BID: variants seen among roughly 807,000 people sequenced by gnomAD.
BID encodes the protein BH3 interacting domain death agonist.
Under a neutral mutation model 17.4 loss-of-function variants are expected in BID, and 19 were observed. That is an observed-to-expected ratio of 1.09 (90% CI 0.76 to 1.60). BID has a LOEUF of 1.60. BID is among the 40% of genes most tolerant of loss of function. The pLI is 0.00. For missense variants in BID, 226 were observed against 256.0 expected (o/e 0.88, Z 0.80); for synonymous variants, 108 against 102.8 (o/e 1.05, Z -0.31).
rs1270139877 is a variant in BID, at chr22:17,773,463, G to C, written c.-59+918C>G. On this transcript the variant is annotated intron_variant, in intron 1 of 5. Coordinates refer to ENST00000622694, the MANE Select transcript of BID (RefSeq NM_001196.4). The surrounding 1 kb of genome is among the most constrained non-coding windows in gnomAD (Gnocchi z 4.4). ...CCCCCACAGTGAGAGCGAGGACTGA[G>C]GGTGTGGATAAGGCTCCAGGAAGGG... is the stretch of plus-strand genomic sequence containing the variant. 3 of 782,516 alleles carry C rather than the reference G, an allele frequency of 3.8e-6. No homozygotes were observed. Among genetic ancestry groups the C allele is most frequent in the Non-Finnish European group, 2.1e-6 (1 of 468,524 alleles). The allele number at this position is 782,516 out of a possible 1,614,324, so 48.5% of individuals were successfully genotyped here. A position where few individuals can be genotyped will look rare whatever the true frequency, so the allele number is the denominator to read the frequency against.
At chr22:17,766,345 G>A (rs965844924) in intron 1 of BID, among the ~76,000 whole-genome samples, 2 of 148,246 alleles carry the variant, frequency 1.3e-5, no homozygotes, top group South Asian at 2.1e-4. Context: ...GCAGTGGCGC[G>A]ATCTCAGCTC....
intron 1 of BID, among the ~76,000 whole-genome samples, chr22:17,756,461 T>TTCTTTCTTTC (rs1569047793): frequency 3.0e-5 from 3 of 100,394 alleles, no homozygotes; most frequent in Non-Finnish European, 6.9e-5. Flanking sequence ...CTTTCTTTCT[T>TTCTTTCTTTC]TCTTTCTTTC....
At chr22:17,753,187 TG>T (rs2061554390) in intron 1 of BID, among the ~76,000 whole-genome samples, 1 of 138,958 alleles carries the variant, frequency 7.2e-6, no homozygotes, top group Non-Finnish European at 1.6e-5. Flanking sequence ...AGGATGGTCT[TG>T]ATCTCCTGAC....
Position 17,755,032 on chromosome 22 carries a change from GATT to G in BID, c.-58-4861_-58-4859del, listed in dbSNP as rs1279599890. Among the ~76,000 whole-genome samples the G allele has an allele frequency of 6.6e-5, 10 of 151,438 alleles. No homozygotes were observed. In the East Asian group the frequency reaches 1.4e-3, roughly 21 times the overall value. On this transcript the variant is annotated intron_variant, in intron 1 of 5. Coordinates refer to ENST00000622694, the MANE Select transcript of BID (RefSeq NM_001196.4). Reference sequence around the variant, plus strand: ...CCACCTTGGCCTCCCAAAATGCTGGGATTACAGGCGTGAGCCACCGTGCCTGGC... The same window carrying G: ...CCACCTTGGCCTCCCAAAATGCTGGGACAGGCGTGAGCCACCGTGCCTGGC...
At chr22:17,735,699 G>A (rs1406439773) in intron 5 of BID, 108 bp from the exon 6 acceptor site, 7 of 1,333,570 alleles carry the variant, frequency 5.2e-6, no homozygotes, top group Middle Eastern at 1.9e-4. Flanking sequence ...GCAAAAACAT[G>A]TTCTCCAGAC....
chr22:17,747,479 C>T (rs946784618), intron 2 of BID, among the ~76,000 whole-genome samples: 12 of 151,986 alleles, frequency 7.9e-5, no homozygotes, highest in Non-Finnish European at 1.6e-4. Context: ...TGCCACCACG[C>T]CTGGCTAATT....
At position 17,740,266 on chromosome 22, in the gene BID, G is replaced by A. The variant is rs2061449968; in HGVS notation, c.224-778C>T. 3.5e-6 allele frequency: 4 copies of A among 1,150,918 alleles called. No homozygotes were observed. In the Admixed American group the frequency reaches 5.9e-5, roughly 17 times the overall value. The allele number at this position is 1,150,918 out of a possible 1,614,324, so 71.3% of individuals were successfully genotyped here. On this transcript the variant is annotated intron_variant, in intron 3 of 5. Coordinates refer to ENST00000622694, the MANE Select transcript of BID (RefSeq NM_001196.4). The stretch of plus-strand genomic sequence containing the variant: ...CCCAGCACTTAATACATGGCACTCA[G>A]TAGGTGCTCAATAAACAATGGCAGG...
Position 17,773,304 on chromosome 22 carries a change from C to A in BID, c.-59+1077G>T, listed in dbSNP as rs1302364546. On this transcript the variant is annotated intron_variant, in intron 1 of 5. Coordinates refer to ENST00000622694, the MANE Select transcript of BID (RefSeq NM_001196.4). This position sits in a 1 kb window ranked among gnomAD's most constrained non-coding sequence, Gnocchi z 4.4. Reference sequence around the variant, plus strand: ...CCCTTAAGACCCCAGCTCAGGGAATCTGGTCTCGGTCATCACTCCCAGGGG... The same window carrying A: ...CCCTTAAGACCCCAGCTCAGGGAATATGGTCTCGGTCATCACTCCCAGGGG... 6.6e-6 allele frequency among the ~76,000 whole-genome samples: 1 copy of A among 152,164 alleles called. No homozygotes were observed. Among genetic ancestry groups the A allele is most frequent in the African/African-American group, 2.4e-5 (1 of 41,432 alleles).
intron 2 of BID, among the ~76,000 whole-genome samples, chr22:17,745,353 C>T (rs1305310619): frequency 1.3e-5 from 2 of 152,098 alleles, no homozygotes; most frequent in Non-Finnish European, 2.9e-5. Flanking sequence ...ACAGGTGTGA[C>T]CTACTGCACC....
At chr22:17,745,361 A>G (rs78047295) in intron 2 of BID, among the ~76,000 whole-genome samples, 5,547 of 152,102 alleles carry the variant, frequency 0.036, 157 homozygotes, top group East Asian at 0.086. Flanking sequence ...GACCTACTGC[A>G]CCCAGCAGCA....
At chr22:17,755,755 G>A (rs1367772158) in intron 1 of BID, among the ~76,000 whole-genome samples, 8 of 146,124 alleles carry the variant, frequency 5.5e-5, no homozygotes, top group Admixed American at 2.1e-4. Flanking sequence ...AGCAGAGATC[G>A]CACTACTGCA....
At chr22:17,757,840 G>A (rs1198882484) in intron 1 of BID, among the ~76,000 whole-genome samples, 5 of 152,190 alleles carry the variant, frequency 3.3e-5, no homozygotes, top group Non-Finnish European at 5.9e-5. Flanking sequence ...GGACTCGGCC[G>A]CTGTCACTCG....
intron 1 of BID, among the ~76,000 whole-genome samples, chr22:17,757,899 G>A (rs889821476): frequency 2.0e-5 from 3 of 152,138 alleles, no homozygotes; most frequent in Non-Finnish European, 2.9e-5. Flanking sequence ...GATCCGTTAC[G>A]TGCACCTATG....
intron 1 of BID, among the ~76,000 whole-genome samples, chr22:17,771,062 C>A (rs1351317519): frequency 6.6e-6 from 1 of 152,218 alleles, no homozygotes; most frequent in Non-Finnish European, 1.5e-5. Flanking sequence ...AGTGACCAGC[C>A]CCCTTTCAGG....
Position 17,766,992 on chromosome 22 carries a change from G to C in BID, c.-59+7389C>G, listed in dbSNP as rs934496722. Among the ~76,000 whole-genome samples, 4 of 152,216 alleles carry C rather than the reference G, an allele frequency of 2.6e-5. No individual in the cohort carries two copies. The East Asian group carries it at 5.9e-4, about 22-fold the overall frequency. ...TAATCCCAGCACTCTGGGAGGCCAA[G>C]GCAGGAGGATCACCTGAGATCAGGA... is the stretch of plus-strand genomic sequence containing the variant. On this transcript the variant is annotated intron_variant, in intron 1 of 5. Transcript: ENST00000622694.
At chr22:17,759,241 C>CAAAAAAAAAAAAAAAA (rs1555906713) in intron 1 of BID, among the ~76,000 whole-genome samples, 1 of 97,084 alleles carries the variant, frequency 1.0e-5, no homozygotes, top group African/African-American at 5.1e-5. Context: ...AAACAAAAAA[C>CAAAAAAAAAAAAAAAA]AAAACAAAAA....
chr22:17,765,786 A>T (rs1392251974), intron 1 of BID, among the ~76,000 whole-genome samples: 1 of 152,234 alleles, frequency 6.6e-6, no homozygotes, highest in African/African-American at 2.4e-5. Flanking sequence ...ATATGTAACA[A>T]ACCTGCACGT....
intron 4 of BID, among the ~76,000 whole-genome samples, chr22:17,738,591 A>T (rs551777361): frequency 6.6e-6 from 1 of 152,194 alleles, no homozygotes; most frequent in South Asian, 2.1e-4. Flanking sequence ...AATGGACAGG[A>T]GGAAGGGGGT....
At chr22:17,749,906 G>C (rs8190291) in intron 2 of BID, among the ~76,000 whole-genome samples, 199 bp downstream of exon 2, 7,727 of 152,300 alleles carry the variant, frequency 0.051, 384 homozygotes, top group African/African-American at 0.12. Context: ...CGAGGAAGGC[G>C]CAGGACAGGG....
Sources: allele counts gnomAD v4.1 joint callset (sites outside exome capture counted in the v4.1 genomes callset), GRCh38; gene constraint gnomAD v4.1.1; non-coding constraint Gnocchi (gnomAD v3.1); transcripts MANE v1.5; gene names NCBI Gene and HGNC (gene_info 2026-07-23, HGNC 2026-07-21).